Variants in RBFOX3 observed in about 807,000 individuals in gnomAD.
RBFOX3 encodes RNA binding fox-1 homolog 3, also known as RNA binding protein fox-1 homolog 3.
In RBFOX3, 17 loss-of-function variants were observed where a neutral mutation model predicts 48.7. That is an observed-to-expected ratio of 0.35 (90% CI 0.24 to 0.52). The LOEUF (loss-of-function observed/expected upper bound fraction) is 0.52, where lower values mean the gene tolerates loss of function less well. Ranked by LOEUF, RBFOX3 falls within the 20% of genes least tolerant of loss-of-function variation. The pLI is 0.94. For synonymous variants in RBFOX3, 212 were observed against 209.5 expected (o/e 1.01, Z -0.10); for missense variants, 382 against 497.5 (o/e 0.77, Z 2.21).
At chr17:79,295,333 G>T (rs1326974968) in intron 3 of RBFOX3, among the ~76,000 whole-genome samples, 2 of 152,258 alleles carry the variant, frequency 1.3e-5, no homozygotes, top group African/African-American at 4.8e-5. Context: ...AGACACAGCT[G>T]CCAGGTCTGA....
intron 4 of RBFOX3, among the ~76,000 whole-genome samples, chr17:79,225,160 C>T (rs1425971800): frequency 6.6e-6 from 1 of 152,144 alleles, no homozygotes; most frequent in Non-Finnish European, 1.5e-5. Context: ...ACGTACACAG[C>T]CCACATGGCT....
chr17:79,323,368 G>A (rs1167412476), intron 2 of RBFOX3, among the ~76,000 whole-genome samples: 2 of 152,234 alleles, frequency 1.3e-5, no homozygotes, highest in Non-Finnish European at 2.9e-5. Flanking sequence ...TGGCAGAGAT[G>A]TGGGATGGAT....
At position 79,111,095 on chromosome 17, in the gene RBFOX3, G is replaced by A. The variant is rs974852979; in HGVS notation, c.223-4307C>T. On this transcript the variant is annotated intron_variant, in intron 5 of 14. Transcript: ENST00000693108. The surrounding 1 kb of genome is among the most constrained non-coding windows in gnomAD (Gnocchi z 4.2). Reference sequence around the variant, plus strand: ...CCAAATGGAAGATCAGGGCAAGTGCGGGAGTTTCCGAGGAGGCTCAGGCCC... The same window carrying A: ...CCAAATGGAAGATCAGGGCAAGTGCAGGAGTTTCCGAGGAGGCTCAGGCCC... Among the ~76,000 whole-genome samples, 8 of 152,362 alleles carry A rather than the reference G, an allele frequency of 5.3e-5. No homozygotes were observed. Among genetic ancestry groups the A allele is most frequent in the East Asian group, 1.9e-4 (1 of 5,176 alleles).
At chr17:79,562,401 C>T (rs949937661) in intron 1 of RBFOX3, among the ~76,000 whole-genome samples, 3 of 152,182 alleles carry the variant, frequency 2.0e-5, no homozygotes, top group African/African-American at 7.2e-5. Context: ...AATCAAGTAG[C>T]ATGCATGTTG....
chr17:79,356,677 T>TA (rs954858741), intron 2 of RBFOX3, among the ~76,000 whole-genome samples: 2 of 107,240 alleles, frequency 1.9e-5, no homozygotes, highest in Admixed American at 1.0e-4. Flanking sequence ...CCAGTTTTGA[T>TA]TTTTTTTTTT....
At chr17:79,658,820 A>G in the RBFOX3 span, among the ~76,000 whole-genome samples, 1 of 152,158 alleles carries the variant, frequency 6.6e-6, no homozygotes, top group Non-Finnish European at 1.5e-5. Context: ...ACAAGAGCTT[A>G]TATTCTAGAC....
At chr17:79,626,256 C>T in the RBFOX3 span, among the ~76,000 whole-genome samples, 1 of 152,154 alleles carries the variant, frequency 6.6e-6, no homozygotes, top group Non-Finnish European at 1.5e-5. Flanking sequence ...CTAGCAGACC[C>T]TCCAACCTTT....
chr17:79,660,468 T>C, the RBFOX3 span, among the ~76,000 whole-genome samples: 1 of 151,958 alleles, frequency 6.6e-6, no homozygotes, highest in African/African-American at 2.4e-5. Flanking sequence ...ATCAACCCCA[T>C]TAAAAAGTAG....
chr17:79,374,997 G>A (rs1400107539), intron 2 of RBFOX3, among the ~76,000 whole-genome samples: 5 of 151,774 alleles, frequency 3.3e-5, no homozygotes, highest in African/African-American at 9.7e-5. Flanking sequence ...CCCTTCCCCT[G>A]CCGCTCCACC....
the RBFOX3 span, among the ~76,000 whole-genome samples, chr17:79,635,059 C>CAA: frequency 1.9e-5 from 1 of 53,494 alleles, no homozygotes; most frequent in African/African-American, 5.4e-5. Flanking sequence ...GACTCCATCT[C>CAA]AAAAAAAAAA....
chr17:79,551,970 A>T (rs2091202572), intron 1 of RBFOX3, among the ~76,000 whole-genome samples: 1 of 152,226 alleles, frequency 6.6e-6, no homozygotes, highest in Non-Finnish European at 1.5e-5. Flanking sequence ...GCACCCAAAA[A>T]TTTTGTTTAA....
At chr17:79,467,207 T>C (rs1018850947) in intron 2 of RBFOX3, among the ~76,000 whole-genome samples, 7 of 151,988 alleles carry the variant, frequency 4.6e-5, no homozygotes, top group African/African-American at 1.7e-4. Context: ...CTAGGGTCTC[T>C]CACCAGCCAC....
At chr17:79,633,585 G>C in the RBFOX3 span, among the ~76,000 whole-genome samples, 1 of 151,818 alleles carries the variant, frequency 6.6e-6, no homozygotes, top group African/African-American at 2.4e-5. Flanking sequence ...GTGCCAGCCA[G>C]ACTCCAGCGG....
rs537106277 is a variant in RBFOX3, at chr17:79,539,452, C to T, written c.-319-56854G>A. On this transcript the variant is annotated intron_variant, in intron 1 of 14. Transcript: ENST00000693108. ...TACTTTTGACTTTTTATAAAGTAAC[C>T]CAGGTGTAGTTTTAAGTTAAAATTT... Among the ~76,000 whole-genome samples the T allele has an allele frequency of 5.9e-5, 9 of 152,120 alleles. No homozygotes were observed. In the South Asian group the frequency reaches 1.2e-3, roughly 21 times the overall value.
At chr17:79,373,611 G>T (rs1006619526) in intron 2 of RBFOX3, among the ~76,000 whole-genome samples, 1 of 152,112 alleles carries the variant, frequency 6.6e-6, no homozygotes, top group Non-Finnish European at 1.5e-5. Context: ...AATCTGTCTC[G>T]GTGGTTTTAC....
At chr17:79,429,045 C>T (rs2067933083) in intron 2 of RBFOX3, among the ~76,000 whole-genome samples, 1 of 152,198 alleles carries the variant, frequency 6.6e-6, no homozygotes, top group Admixed American at 6.5e-5. Flanking sequence ...CCTTGAGATT[C>T]TCCCCTACCC....
intron 2 of RBFOX3, among the ~76,000 whole-genome samples, chr17:79,427,319 G>C (rs2148833994): frequency 6.6e-6 from 1 of 152,346 alleles, no homozygotes; most frequent in East Asian, 1.9e-4. Flanking sequence ...GAGGCTCTAA[G>C]GTCCTGGGAG....
intron 4 of RBFOX3, among the ~76,000 whole-genome samples, chr17:79,201,091 T>TAAC (rs1299294542): frequency 6.7e-6 from 1 of 148,176 alleles, no homozygotes; most frequent in Non-Finnish European, 1.5e-5. Flanking sequence ...CATCACTTCT[T>TAAC]AACAACAACA....
intron 2 of RBFOX3, among the ~76,000 whole-genome samples, chr17:79,408,194 C>T (rs2063800384): frequency 6.6e-6 from 1 of 152,154 alleles, no homozygotes; most frequent in African/African-American, 2.4e-5. Context: ...TAGCAGAACA[C>T]CCGGCCCAGA....
Sources: allele counts gnomAD v4.1 joint callset (sites outside exome capture counted in the v4.1 genomes callset), GRCh38; gene constraint gnomAD v4.1.1; non-coding constraint Gnocchi (gnomAD v3.1); transcripts MANE v1.5; gene names NCBI Gene and HGNC (gene_info 2026-07-23, HGNC 2026-07-21).